Variants in TOGARAM2 observed in about 807,000 individuals in gnomAD.
TOGARAM2 encodes TOG array regulator of axonemal microtubules protein 2.
Under a neutral mutation model 93.3 loss-of-function variants are expected in TOGARAM2, and 85 were observed. The observed-to-expected ratio is 0.91, with a 90% confidence interval of 0.76 to 1.09. The LOEUF is 1.09. Among genes scored for constraint, TOGARAM2 ranks in the 50% least tolerant of loss-of-function variants. The pLI, the probability that TOGARAM2 is intolerant of heterozygous loss-of-function variation, is 0.00. For missense variants in TOGARAM2, 1,277 were observed against 1,334.5 expected (o/e 0.96, Z 0.67); for synonymous variants, 593 against 552.8 (o/e 1.07, Z -1.02).
intron 10 of TOGARAM2, among the ~76,000 whole-genome samples, chr2:29,020,700 T>C (rs1274899559): frequency 6.6e-6 from 1 of 152,188 alleles, no homozygotes; most frequent in Non-Finnish European, 1.5e-5. Flanking sequence ...GCTGTATTGC[T>C]CGCTCCAGAA....
chr2:29,003,077 C>A (rs1241905150), intron 5 of TOGARAM2, among the ~76,000 whole-genome samples: 3 of 152,202 alleles, frequency 2.0e-5, no homozygotes, highest in Admixed American at 6.5e-5. Context: ...CTGGCCCTCT[C>A]CATTTTAAGC....
At chr2:28,977,173 C>T (rs1373687155), upstream of TOGARAM2, among the ~76,000 whole-genome samples, 1 of 152,206 alleles carries the variant, frequency 6.6e-6, no homozygotes, top group African/African-American at 2.4e-5. Context: ...AGGGCAGGGA[C>T]TTGTTGGAGG....
chr2:28,960,252 T>G (rs566231344), intron 1 of TOGARAM2, among the ~76,000 whole-genome samples: 2 of 152,238 alleles, frequency 1.3e-5, no homozygotes, highest in Non-Finnish European at 2.9e-5. Context: ...TATTCTTAAC[T>G]ACTTCAGGGT....
chr2:29,035,499 G>C lies in TOGARAM2; in HGVS notation c.2261G>C (p.Arg754Pro), dbSNP rs200703318. 2 of 1,506,328 alleles carry C rather than the reference G, an allele frequency of 1.3e-6. No homozygotes were observed. The highest frequency in any genetic ancestry group is 2.8e-5 in the African/African-American group (2 of 72,488). The allele number at this position is 1,506,328 out of a possible 1,614,324, so 93.3% of individuals were successfully genotyped here. ...SCNGPRLVGL[R>P]STLQGRGEMV... ...AATGGCCCAAGGCTGGTGGGGCTGC[G>C]CTCCACACTGCAGGGCCGCGGGGAG... The change falls in exon 17 of 20, where the codon CGC becomes CCC. Residue 754 changes from arginine to proline, a missense_variant. Physicochemically the swap from Arg to Pro is moderately radical, Grantham distance 103. Transcript: ENST00000379558.
chr2:29,023,085 G>A lies in TOGARAM2; in HGVS notation c.1512-1G>A. 1 of 1,587,358 alleles carries A rather than the reference G, an allele frequency of 6.3e-7. No individual in the cohort carries two copies. Among genetic ancestry groups the A allele is most frequent in the Non-Finnish European group, 8.6e-7 (1 of 1,166,494 alleles). On this transcript the variant is annotated splice_acceptor_variant, in intron 11 of 19. Coordinates refer to ENST00000379558, the MANE Select transcript of TOGARAM2 (RefSeq NM_199280.4). LOFTEE classifies it high-confidence loss of function. ...CAACAGGGCCTGGCCTTGCTTCTCA[G>A]GCAGATGAAGGAGAAGGGTCTGGTG...
In TOGARAM2 at chr2:29,014,396, G is replaced by A; in HGVS notation, c.879G>A (p.Glu293=). ...GPREKTPASL[E]PKPLASPIRD... is the part of the protein sequence containing the mutation. Reference sequence around the variant, plus strand: ...CCACCCCTGTTCTCAACCCCTCAGAGCCAAAACCTTTGGCCTCACCCATCA... The same window carrying A: ...CCACCCCTGTTCTCAACCCCTCAGAACCAAAACCTTTGGCCTCACCCATCA... Residue 293 remains glutamate (E), a splice_region_variant and synonymous_variant, in exon 8 of 20, where the codon GAG becomes GAA. Transcript: ENST00000379558. The A allele has an allele frequency of 1.2e-6, 2 of 1,610,298 alleles. No homozygotes were observed. The highest frequency in any genetic ancestry group is 1.7e-5 in the Admixed American group (1 of 59,636).
At chr2:29,005,341 GTGTGCA>G (rs141592296) in intron 6 of TOGARAM2, among the ~76,000 whole-genome samples, 105,418 of 143,258 alleles carry the variant, frequency 0.74, 40,476 homozygotes, top group Non-Finnish European at 0.85. Context: ...GAGACCGTGT[GTGTGCA>G]TGTGTGGAGC....
At chr2:29,026,754 A>G (rs1457447915) in intron 13 of TOGARAM2, 99 bp from the exon 14 acceptor site, 2 of 1,288,960 alleles carry the variant, frequency 1.6e-6, no homozygotes, top group Non-Finnish European at 2.0e-6. Context: ...CCTGGCTGGC[A>G]TGAAGCATGG....
chr2:28,967,071 C>T (rs999882425), intron 1 of TOGARAM2, among the ~76,000 whole-genome samples: 1 of 152,246 alleles, frequency 6.6e-6, no homozygotes, highest in African/African-American at 2.4e-5. Flanking sequence ...TTTTACATTA[C>T]ATTTTTAGGC....
intron 12 of TOGARAM2, 48 bp from the exon 13 acceptor site, chr2:29,024,091 C>G: frequency 6.7e-7 from 1 of 1,493,624 alleles, no homozygotes; most frequent in Admixed American, 2.0e-5. Flanking sequence ...CGTCCCAGAG[C>G]CCTTGGCAGG....
intron 1 of TOGARAM2, among the ~76,000 whole-genome samples, chr2:28,990,332 C>T (rs1572642132): frequency 1.3e-5 from 2 of 152,324 alleles, no homozygotes; most frequent in East Asian, 3.9e-4. Context: ...CAAGGCCCCA[C>T]TTGAGGGGTC....
chr2:29,030,968 T>C (rs960378521), intron 14 of TOGARAM2, among the ~76,000 whole-genome samples: 7 of 152,216 alleles, frequency 4.6e-5, no homozygotes, highest in Non-Finnish European at 7.3e-5. Flanking sequence ...GTGTTCTCTC[T>C]ATCATTAAAA....
intron 8 of TOGARAM2, among the ~76,000 whole-genome samples, chr2:29,015,932 A>G (rs978479397): frequency 3.3e-5 from 5 of 152,132 alleles, no homozygotes; most frequent in Non-Finnish European, 7.4e-5. Context: ...CATCCAGTCC[A>G]GACATTAAGT....
upstream of TOGARAM2, among the ~76,000 whole-genome samples, chr2:28,980,711 G>A (rs542051522): frequency 3.9e-5 from 6 of 152,314 alleles, no homozygotes; most frequent in South Asian, 8.3e-4. Context: ...TGGTTGGGAC[G>A]AAGGCCACAG....
chr2:29,002,781 C>T (rs774808896), intron 5 of TOGARAM2, 34 bp downstream of exon 5: 3 of 1,584,378 alleles, frequency 1.9e-6, no homozygotes, highest in East Asian at 4.6e-5. Flanking sequence ...GTCTGGTCCT[C>T]AGCTTCTTGC....
Position 29,052,145 on chromosome 2 carries a change from A to ATT in TOGARAM2, c.*53_*54dup. On this transcript the variant is annotated 3_prime_UTR_variant, in exon 20 of 20. Transcript: ENST00000379558. Reference sequence around the variant, plus strand: ...ATTTATCTTATTTTTTTGATGGACTATTCTCCTGGTTACTTTCCCCCTTAG... The same window carrying ATT: ...ATTTATCTTATTTTTTTGATGGACTATTTTCTCCTGGTTACTTTCCCCCTTAG... 1 of 1,400,800 alleles carries ATT rather than the reference A, an allele frequency of 7.1e-7. No homozygotes were observed. 86.8% of individuals were successfully genotyped at this position (1,400,800 alleles called of 1,614,324 possible). A position where few individuals can be genotyped will look rare whatever the true frequency, so the allele number is the denominator to read the frequency against.
chr2:29,006,033 T>C (rs1440791734), intron 6 of TOGARAM2, among the ~76,000 whole-genome samples: 1 of 134,114 alleles, frequency 7.5e-6, no homozygotes, highest in Non-Finnish European at 1.6e-5. Flanking sequence ...ACCATATGTA[T>C]GTGAGTGCAT....
chr2:29,035,400 C>A, intron 16 of TOGARAM2, 64 bp from the exon 17 acceptor site: 1 of 1,270,404 alleles, frequency 7.9e-7, no homozygotes. Context: ...GGCATGGGAC[C>A]AGAAGTGGGT....
chr2:28,992,119 T>C (rs1672763202), intron 1 of TOGARAM2, among the ~76,000 whole-genome samples: 1 of 151,804 alleles, frequency 6.6e-6, no homozygotes, highest in African/African-American at 2.4e-5. Context: ...GCCTTGGGGG[T>C]CAGGTGCTCA....
Sources: gnomAD v4.1 joint callset for allele counts (sites outside exome capture counted in the v4.1 genomes callset) on GRCh38, gnomAD v4.1.1 for gene constraint, MANE v1.5 for transcripts, NCBI Gene and HGNC (gene_info 2026-07-23, HGNC 2026-07-21) for gene names.